Variants in NRP2 observed in about 807,000 individuals in gnomAD.
NRP2 encodes the protein neuropilin 2, also known as neuropilin-2.
NRP2 carries 52 observed loss-of-function variants against 110.4 expected under a neutral mutation model. The ratio of observed to expected loss-of-function variants is 0.47; its 90% CI spans 0.38 to 0.59. The LOEUF is 0.59. Among genes scored for constraint, NRP2 ranks in the 20% least tolerant of loss-of-function variants. NRP2 has a pLI of 0.00. For synonymous variants in NRP2, 508 were observed against 468.9 expected, an observed-to-expected ratio of 1.08 and a Z score of -1.08; for missense variants, 1,049 against 1,203.0, an observed-to-expected ratio of 0.87 and a Z score of 1.89.
At chr2:205,693,855 G>A (rs1444722493) in intron 1 of NRP2, among the ~76,000 whole-genome samples, 4 of 152,186 alleles carry the variant, frequency 2.6e-5, no homozygotes, top group Non-Finnish European at 4.4e-5. Flanking sequence ...CCAAGCTGTC[G>A]TGAAGTAAGC....
In NRP2 at chr2:205,745,811, G is replaced by C. The variant is rs764685033; in HGVS notation, c.1707G>C (p.Gln569His). 2 of 1,614,066 alleles carry C rather than the reference G, an allele frequency of 1.2e-6. No homozygotes were observed. Among genetic ancestry groups the C allele is most frequent in the Admixed American group, 1.7e-5 (1 of 60,038 alleles). ...GAAGGTTTGACCCCATTCCGGCACAGTATGTGCGGGTATACCCGGAGAGGT... is the reference window on the plus strand; with the variant it reads ...GAAGGTTTGACCCCATTCCGGCACACTATGTGCGGGTATACCCGGAGAGGT... ...DIRRFDPIPA[Q>H]YVRVYPERWS... Residue 569 changes from glutamine (Q) to histidine (H), a missense_variant, in exon 10 of 17, where the codon CAG (glutamine) becomes CAC (histidine). Physicochemically the swap from Gln to His is conservative, Grantham distance 24 (BLOSUM62 0). Coordinates refer to ENST00000357785, the MANE Select transcript of NRP2 (RefSeq NM_003872.3).
Position 205,697,858 on chromosome 2 carries a change from A to G in NRP2, c.251+137A>G, listed in dbSNP as rs147829661. On this transcript the variant is annotated intron_variant, in intron 2 of 16. Transcript: ENST00000357785. ...CAGTGGTGGATCCTGGCCCCAGAGG[A>G]AAACCTCAAGGGGCATTCCCTTTCC... 8.3e-4 allele frequency: 738 copies of G among 891,322 alleles called. 7 individuals carry two copies. The East Asian group carries it at 0.016, about 20-fold the overall frequency. 55.2% of individuals were successfully genotyped at this position (891,322 alleles called of 1,614,324 possible).
At chr2:205,698,673 A>G (rs992665090) in intron 2 of NRP2, among the ~76,000 whole-genome samples, 4 of 152,208 alleles carry the variant, frequency 2.6e-5, no homozygotes, top group Non-Finnish European at 4.4e-5. Context: ...GTCTTTTCTC[A>G]TTGGAAATAA....
At position 205,714,344 on chromosome 2, in the gene NRP2, C is replaced by A. The variant is rs554851778; in HGVS notation, c.252-1849C>A. On this transcript the variant is annotated intron_variant, in intron 2 of 16. Coordinates refer to ENST00000357785, the MANE Select transcript of NRP2 (RefSeq NM_003872.3). ...GGGATTGGGACTCTTGCGCTCTGGG[C>A]CATGCATTTCTTAGTCCAGATGAGT... 7.9e-5 allele frequency among the ~76,000 whole-genome samples: 12 copies of A among 152,268 alleles called. No homozygotes were observed. The South Asian group carries it at 2.1e-3, about 26-fold the overall frequency.
At chr2:205,755,447 A>G in intron 12 of NRP2, among the ~76,000 whole-genome samples, 1 of 152,106 alleles carries the variant, frequency 6.6e-6, no homozygotes, top group East Asian at 1.9e-4. Flanking sequence ...ACAAAATCAT[A>G]ATATTGTTCT....
chr2:205,760,186 G>A (rs1271359375), intron 12 of NRP2, among the ~76,000 whole-genome samples: 1 of 152,172 alleles, frequency 6.6e-6, no homozygotes, highest in African/African-American at 2.4e-5. Flanking sequence ...GGCAGCAGGT[G>A]TTCAATGTGT....
chr2:205,766,289 C>T lies in NRP2; in HGVS notation c.2405-494C>T, dbSNP rs1038685265. On this transcript the variant is annotated intron_variant, in intron 14 of 16. Coordinates refer to ENST00000357785, the MANE Select transcript of NRP2 (RefSeq NM_003872.3). ...ATCAGAGCCATGGACATTTCCCAAA[C>T]CAAGAAAGGAACCCTGAGAAGGCAT... Among the ~76,000 whole-genome samples the T allele has an allele frequency of 2.6e-5, 4 of 152,304 alleles. No individual in the cohort carries two copies. In the East Asian group the frequency reaches 5.8e-4, roughly 22 times the overall value.
chr2:205,743,391 A>G lies in NRP2; in HGVS notation c.1480A>G (p.Thr494Ala). ...GGAGTGGCTTCAGGTAGATCTGGGA[A>G]CACCCAAGACAGTGAAAGGTGTCAT... ...GEEWLQVDLG[T>A]PKTVKGVIIQ... The change falls in exon 9 of 17, where the codon ACA becomes GCA. Residue 494 changes from threonine to alanine, a missense_variant. Thr to Ala is a moderately conservative substitution (Grantham distance 58). Transcript: ENST00000357785. 1.2e-6 allele frequency: 2 copies of G among 1,614,244 alleles called. No homozygotes were observed. Among genetic ancestry groups the G allele is most frequent in the East Asian group, 2.2e-5 (1 of 44,880 alleles).
At chr2:205,732,258 T>C (rs911741260) in intron 7 of NRP2, among the ~76,000 whole-genome samples, 3 of 152,208 alleles carry the variant, frequency 2.0e-5, no homozygotes, top group African/African-American at 7.2e-5. Context: ...TGAAAGGAGT[T>C]GCCATTTGTT....
At position 205,723,825 on chromosome 2, in the gene NRP2, CT is replaced by C; in HGVS notation, c.706del (p.Ser236LeufsTer12). On this transcript the variant is annotated frameshift_variant, in exon 5 of 17. Transcript: ENST00000357785. LOFTEE classifies it high-confidence loss of function. ...IGKYCGTKTP[S>X]ELRSSTGILS... Reference sequence around the variant, plus strand: ...GCAAGTACTGTGGGACCAAAACACCCTCTGAACTTCGTTCATCGACGGGGAT... The same window carrying C: ...GCAAGTACTGTGGGACCAAAACACCCCTGAACTTCGTTCATCGACGGGGAT... 1 of 1,614,198 alleles carries C rather than the reference CT, an allele frequency of 6.2e-7. No individual in the cohort carries two copies. Among genetic ancestry groups the C allele is most frequent in the African/African-American group, 1.3e-5 (1 of 75,064 alleles).
At chr2:205,785,059 T>C (rs2058220948) in intron 15 of NRP2, among the ~76,000 whole-genome samples, 1 of 152,230 alleles carries the variant, frequency 6.6e-6, no homozygotes, top group Non-Finnish European at 1.5e-5. Flanking sequence ...ATTCTTGTGT[T>C]CAGAAGAAGA....
At chr2:205,783,269 C>A (rs2058197644) in intron 15 of NRP2, among the ~76,000 whole-genome samples, 1 of 152,128 alleles carries the variant, frequency 6.6e-6, no homozygotes, top group Non-Finnish European at 1.5e-5. Context: ...GTGTCAGCTC[C>A]CCAGAGCTGT....
At chr2:205,752,765 A>G (rs2057669332) in intron 11 of NRP2, 70 bp from the exon 12 acceptor site, 4 of 1,547,252 alleles carry the variant, frequency 2.6e-6, no homozygotes, top group Non-Finnish European at 3.6e-6. Context: ...CCATTTAAAT[A>G]GTACCACTGT....
intron 1 of NRP2, among the ~76,000 whole-genome samples, chr2:205,692,048 G>C (rs755257577): frequency 3.3e-5 from 5 of 152,148 alleles, no homozygotes; most frequent in Non-Finnish European, 5.9e-5. Flanking sequence ...GAGGGAATTT[G>C]CTTCATTCTT....
chr2:205,776,279 T>A lies in NRP2; in HGVS notation c.2425+9476T>A, dbSNP rs144096502. 1.5e-4 allele frequency: 243 copies of A among 1,607,818 alleles called. No homozygotes were observed. Among genetic ancestry groups the A allele is most frequent in the Non-Finnish European group, 1.9e-4 (224 of 1,176,988 alleles). On this transcript the variant is annotated intron_variant, in intron 15 of 16. Coordinates refer to ENST00000357785, the MANE Select transcript of NRP2 (RefSeq NM_003872.3). ...CTCCTGCCAGGGACCGAGCCCACAG[T>A]GGACACGGTGCCCATGCAGCCCATC...
At chr2:205,756,729 G>A (rs998458152) in intron 12 of NRP2, 2 of 152,144 alleles carry the variant, frequency 1.3e-5, no homozygotes, top group Admixed American at 6.5e-5. Flanking sequence ...CCTGGTTTTG[G>A]TATGAACCAA....
At chr2:205,689,628 T>A (rs900153327) in intron 1 of NRP2, among the ~76,000 whole-genome samples, 4 of 152,244 alleles carry the variant, frequency 2.6e-5, no homozygotes, top group African/African-American at 9.6e-5. Context: ...TCAGAGAATA[T>A]TCTCTGCTGA....
At chr2:205,722,285 C>A in intron 3 of NRP2, 193 bp from the exon 4 acceptor site, 1 of 627,894 alleles carries the variant, frequency 1.6e-6, no homozygotes, top group South Asian at 1.8e-5. Context: ...TAGAGCAAGC[C>A]AGCTGTGCCT....
intron 8 of NRP2, 68 bp downstream of exon 8, chr2:205,740,731 C>G: frequency 6.4e-7 from 1 of 1,571,352 alleles, no homozygotes; most frequent in South Asian, 1.1e-5. Flanking sequence ...TTTCAACTCT[C>G]TGCAAACAGC....
Sources: allele counts gnomAD v4.1 joint callset (sites outside exome capture counted in the v4.1 genomes callset), GRCh38; gene constraint gnomAD v4.1.1; transcripts MANE v1.5; gene names NCBI Gene and HGNC (gene_info 2026-07-23, HGNC 2026-07-21).